CAPSL: variants seen among roughly 807,000 people sequenced by gnomAD.
The protein encoded by CAPSL is calcyphosin-like protein.
Under a neutral mutation model 21.3 loss-of-function variants are expected in CAPSL, and 17 were observed. The ratio of observed to expected loss-of-function variants is 0.80; its 90% CI spans 0.55 to 1.20. The LOEUF (loss-of-function observed/expected upper bound fraction) is 1.20. Among genes scored for constraint, CAPSL ranks in the 50% most tolerant of loss-of-function variants. The pLI is 0.00. For synonymous variants in CAPSL, 102 were observed against 89.3 expected (o/e 1.14, Z -0.80); for missense variants, 289 against 259.3 (o/e 1.11, Z -0.79).
intron 1 of CAPSL, among the ~76,000 whole-genome samples, chr5:35,933,968 G>T (rs1203955342): frequency 1.3e-5 from 2 of 152,186 alleles, no homozygotes; most frequent in Non-Finnish European, 2.9e-5. Context: ...AGTGTTCATG[G>T]GATTGAGAAT....
chr5:35,915,083 T>C (rs1357401541), intron 2 of CAPSL, among the ~76,000 whole-genome samples: 1 of 152,122 alleles, frequency 6.6e-6, no homozygotes, highest in Non-Finnish European at 1.5e-5. Flanking sequence ...TATAAACACT[T>C]CTATGCAAAT....
intron 1 of CAPSL, among the ~76,000 whole-genome samples, chr5:35,936,368 A>G (rs1265784594): frequency 1.3e-5 from 2 of 152,012 alleles, no homozygotes; most frequent in African/African-American, 4.8e-5. Context: ...TAGTTCATGA[A>G]TCCGCTGTGG....
chr5:35,913,745 T>A (rs1738294977), intron 2 of CAPSL, among the ~76,000 whole-genome samples: 1 of 152,172 alleles, frequency 6.6e-6, no homozygotes, highest in Non-Finnish European at 1.5e-5. Context: ...TACCAGCCAC[T>A]GCAAAAACAT....
At chr5:35,925,016 G>A (rs972062102) in intron 1 of CAPSL, among the ~76,000 whole-genome samples, 1 of 152,244 alleles carries the variant, frequency 6.6e-6, no homozygotes, top group Non-Finnish European at 1.5e-5. Flanking sequence ...ATCCGGTGTG[G>A]TGACAACGGA....
chr5:35,910,160 C>T, intron 3 of CAPSL, 85 bp from the exon 4 acceptor site: 1 of 1,207,266 alleles, frequency 8.3e-7, no homozygotes, highest in Non-Finnish European at 1.2e-6. Flanking sequence ...ATCTCATTCC[C>T]CTCAACGATG....
intron 1 of CAPSL, among the ~76,000 whole-genome samples, chr5:35,925,020 C>CT (rs1179002147): frequency 6.6e-6 from 1 of 152,230 alleles, no homozygotes; most frequent in Admixed American, 6.5e-5. Flanking sequence ...GGTGTGGTGA[C>CT]AACGGAGCGC....
intron 1 of CAPSL, among the ~76,000 whole-genome samples, chr5:35,928,317 A>C (rs1422997458): frequency 6.6e-6 from 1 of 152,230 alleles, no homozygotes; most frequent in African/African-American, 2.4e-5. Flanking sequence ...CAAACATTCA[A>C]ACCATAGCAC....
intron 1 of CAPSL, among the ~76,000 whole-genome samples, chr5:35,927,679 T>C (rs111403657): frequency 0.013 from 2,037 of 152,326 alleles, 60 homozygotes; most frequent in African/African-American, 0.046. Flanking sequence ...ACTTGGAAAC[T>C]GGGTATAAGA....
intron 2 of CAPSL, among the ~76,000 whole-genome samples, chr5:35,914,507 G>A (rs1337891817): frequency 2.0e-5 from 3 of 152,026 alleles, no homozygotes; most frequent in Non-Finnish European, 2.9e-5. Context: ...ATAACAAACT[G>A]TCTCTCAGAC....
intron 1 of CAPSL, among the ~76,000 whole-genome samples, chr5:35,925,319 G>A (rs938467113): frequency 6.6e-6 from 1 of 152,228 alleles, no homozygotes; most frequent in African/African-American, 2.4e-5. Context: ...CTCAGAGGAG[G>A]TGATGTCTAA....
At chr5:35,916,404 CAAGACAATCCT>C (rs1738386836) in intron 2 of CAPSL, among the ~76,000 whole-genome samples, 1 of 152,152 alleles carries the variant, frequency 6.6e-6, no homozygotes, top group Non-Finnish European at 1.5e-5. Context: ...CCCACATTGC[CAAGACAATCCT>C]AAGACAAAAG....
intron 2 of CAPSL, among the ~76,000 whole-genome samples, chr5:35,915,101 A>C (rs913459481): frequency 3.3e-5 from 5 of 152,234 alleles, no homozygotes; most frequent in Non-Finnish European, 5.9e-5. Context: ...AATAAACTAG[A>C]AAATCTAGAA....
chr5:35,920,682 C>G (rs1738513566), intron 2 of CAPSL, among the ~76,000 whole-genome samples: 1 of 152,200 alleles, frequency 6.6e-6, no homozygotes, highest in African/African-American at 2.4e-5. Context: ...GAGAGAGTCC[C>G]TCTCATTGTC....
intron 1 of CAPSL, among the ~76,000 whole-genome samples, chr5:35,923,784 A>G (rs1298336109): frequency 6.6e-6 from 1 of 152,220 alleles, no homozygotes; most frequent in Non-Finnish European, 1.5e-5. Context: ...TAATGAATGT[A>G]AAGTTTCCTT....
chr5:35,935,125 C>T (rs1261455431), intron 1 of CAPSL, among the ~76,000 whole-genome samples: 1 of 152,170 alleles, frequency 6.6e-6, no homozygotes, highest in African/African-American at 2.4e-5. Flanking sequence ...TTATAAATCA[C>T]TGACACTCTG....
At chr5:35,913,770 A>G (rs1424038696) in intron 2 of CAPSL, among the ~76,000 whole-genome samples, 8 of 152,216 alleles carry the variant, frequency 5.3e-5, no homozygotes, top group African/African-American at 1.7e-4. Context: ...AATTGTAAAG[A>G]CCATCGATGC....
At chr5:35,912,976 A>C (rs536660049) in intron 2 of CAPSL, among the ~76,000 whole-genome samples, 2 of 152,270 alleles carry the variant, frequency 1.3e-5, no homozygotes, top group African/African-American at 4.8e-5. Context: ...AATTAGATGA[A>C]CGTCTAACTA....
intron 2 of CAPSL, among the ~76,000 whole-genome samples, chr5:35,918,326 G>C (rs1738445386): frequency 6.6e-6 from 1 of 152,178 alleles, no homozygotes; most frequent in Non-Finnish European, 1.5e-5. Context: ...GGTGAAGCTG[G>C]AAACCATAAT....
intron 1 of CAPSL, among the ~76,000 whole-genome samples, chr5:35,937,849 A>AAAAAC (rs70973076): frequency 2.0e-5 from 3 of 151,592 alleles, no homozygotes; most frequent in African/African-American, 7.3e-5. Context: ...AAAAAAAAAA[A>AAAAAC]CAGGTAAGAA....
Sources: gnomAD v4.1 joint callset for allele counts (sites outside exome capture counted in the v4.1 genomes callset) on GRCh38, gnomAD v4.1.1 for gene constraint, MANE v1.5 for transcripts, NCBI Gene and HGNC (gene_info 2026-07-23, HGNC 2026-07-21) for gene names.